AP3S2: variants seen among roughly 807,000 people sequenced by gnomAD.
The protein encoded by AP3S2 is AP-3 complex subunit sigma-2.
A neutral mutation model predicts 23.4 loss-of-function variants in AP3S2; 22 were observed. That is an observed-to-expected ratio of 0.94 (90% CI 0.67 to 1.34). AP3S2 has a LOEUF of 1.34. AP3S2 is among the 40% of genes most tolerant of loss of function. The pLI is 0.00. For missense variants in AP3S2, 241 were observed against 236.9 expected (o/e 1.02, Z -0.11); for synonymous variants, 86 against 87.1 (o/e 0.99, Z 0.07).
intron 4 of AP3S2, 106 bp downstream of exon 4, chr15:89,871,369 A>T (rs558258816): frequency 3.0e-6 from 3 of 983,834 alleles, no homozygotes; most frequent in East Asian, 2.8e-5. Context: ...TCTTAAGAGT[A>T]AAAAAAAACA....
At chr15:89,879,885 G>T (rs564252740) in intron 3 of AP3S2, among the ~76,000 whole-genome samples, 1 of 151,998 alleles carries the variant, frequency 6.6e-6, no homozygotes, top group South Asian at 2.1e-4. Flanking sequence ...CCGCACTCTG[G>T]GCGACAAGAG....
At chr15:89,838,192 G>C (rs1356326384) in intron 4 of AP3S2, 2 of 161,750 alleles carry the variant, frequency 1.2e-5, no homozygotes, top group African/African-American at 4.8e-5. Context: ...TCATTAAGTA[G>C]GTCCAGCTAT....
chr15:89,886,181 G>T (rs999533850), intron 3 of AP3S2, among the ~76,000 whole-genome samples: 12 of 151,652 alleles, frequency 7.9e-5, no homozygotes, highest in Admixed American at 7.9e-4. Context: ...AAACCCTGTC[G>T]CTACTAAAAC....
At chr15:89,890,319 G>A (rs1333782827) in intron 1 of AP3S2, among the ~76,000 whole-genome samples, 2 of 152,106 alleles carry the variant, frequency 1.3e-5, no homozygotes, top group African/African-American at 4.8e-5. Context: ...CAAAGTGCTG[G>A]GATTACAGGT....
At chr15:89,874,056 G>C (rs75541442) in intron 3 of AP3S2, among the ~76,000 whole-genome samples, 6 of 149,482 alleles carry the variant, frequency 4.0e-5, no homozygotes, top group Non-Finnish European at 7.4e-5. Context: ...AAAATACTTC[G>C]TATTTTTAGT....
At chr15:89,856,607 CAGG>C (rs1286019665) in intron 4 of AP3S2, among the ~76,000 whole-genome samples, 2 of 150,270 alleles carry the variant, frequency 1.3e-5, no homozygotes, top group African/African-American at 4.9e-5. Context: ...AAGGCTGAGG[CAGG>C]AGAATTGCTT....
At chr15:89,876,900 C>A in intron 3 of AP3S2, 1 of 188,286 alleles carries the variant, frequency 5.3e-6, no homozygotes, top group South Asian at 9.5e-5. Flanking sequence ...TATGGCAGCT[C>A]AAATGGGAGC....
Position 89,855,945 on chromosome 15 carries a change from T to TA in AP3S2, c.345+15529dup, listed in dbSNP as rs34784306. Reference sequence around the variant, plus strand: ...GTATGAATAAATATGATATGTCCTTTAAAAAAAAAAAAAAAAAAAAAAAGA... The same window carrying TA: ...GTATGAATAAATATGATATGTCCTTTAAAAAAAAAAAAAAAAAAAAAAAAGA... On this transcript the variant is annotated intron_variant, in intron 4 of 5. Transcript: ENST00000336418. Among the ~76,000 whole-genome samples, 184 of 111,914 alleles carry TA rather than the reference T, an allele frequency of 1.6e-3. 1 individual carries two copies. Among genetic ancestry groups the TA allele is most frequent in the African/African-American group, 3.8e-3 (112 of 29,102 alleles). 73.4% of individuals were successfully genotyped at this position (111,914 alleles called of 152,430 possible).
intron 4 of AP3S2, among the ~76,000 whole-genome samples, chr15:89,870,019 G>T (rs1357233672): frequency 6.6e-6 from 1 of 152,062 alleles, no homozygotes; most frequent in African/African-American, 2.4e-5. Context: ...GGGATTACAG[G>T]TGTGAGCCAC....
intron 4 of AP3S2, among the ~76,000 whole-genome samples, chr15:89,868,628 G>A (rs1403806139): frequency 7.0e-5 from 8 of 114,542 alleles, no homozygotes; most frequent in East Asian, 3.0e-4. Flanking sequence ...GCCTCTGCCC[G>A]GCCGCCCCTA....
chr15:89,838,226 A>C (rs1895242452), intron 4 of AP3S2: 1 of 156,426 alleles, frequency 6.4e-6, no homozygotes, highest in African/African-American at 2.4e-5. Flanking sequence ...CTGTCCAAGC[A>C]ACTGAAATGA....
Position 89,866,261 on chromosome 15 carries a change from C to CAAAA in AP3S2, c.345+5210_345+5213dup, listed in dbSNP as rs368571089. ...TGGGCAACAGAGCGAGACTCCGTCTCAAAAAAAAAAAAAAAAAAAAGTCAC... is the reference window on the plus strand; with the variant it reads ...TGGGCAACAGAGCGAGACTCCGTCTCAAAAAAAAAAAAAAAAAAAAAAAAGTCAC... On this transcript the variant is annotated intron_variant, in intron 4 of 5. Transcript: ENST00000336418. Among the ~76,000 whole-genome samples the CAAAA allele has an allele frequency of 1.2e-3, 104 of 87,402 alleles. 1 individual carries two copies. The highest frequency in any genetic ancestry group is 2.0e-3 in the African/African-American group (41 of 20,744). 57.3% of individuals were successfully genotyped at this position (87,402 alleles called of 152,430 possible). A position where few individuals can be genotyped will look rare whatever the true frequency, so the allele number is the denominator to read the frequency against.
intron 3 of AP3S2, 132 bp downstream of exon 3, chr15:89,888,389 C>T: frequency 1.3e-6 from 1 of 756,524 alleles, no homozygotes; most frequent in Non-Finnish European, 2.1e-6. Context: ...TCCCAGAGCA[C>T]CATCTGGTGG....
At chr15:89,855,105 GATTGAGAAA>G (rs1386548337) in intron 4 of AP3S2, among the ~76,000 whole-genome samples, 1 of 139,466 alleles carries the variant, frequency 7.2e-6, no homozygotes, top group Non-Finnish European at 1.5e-5. Context: ...GTGGGGAAAA[GATTGAGAAA>G]TCGGATGGTT....
chr15:89,887,038 C>T (rs1896716875), intron 3 of AP3S2, among the ~76,000 whole-genome samples: 1 of 152,158 alleles, frequency 6.6e-6, no homozygotes. Context: ...TCAAGTGATC[C>T]ACCCACCTTG....
chr15:89,869,031 G>C (rs937700940), intron 4 of AP3S2, among the ~76,000 whole-genome samples: 6 of 151,338 alleles, frequency 4.0e-5, no homozygotes, highest in Non-Finnish European at 8.8e-5. Context: ...TGGGAAGTGA[G>C]GAGCCCCTCT....
intron 4 of AP3S2, among the ~76,000 whole-genome samples, chr15:89,856,110 C>T (rs1013832622): frequency 6.6e-6 from 1 of 152,108 alleles, no homozygotes; most frequent in Non-Finnish European, 1.5e-5. Context: ...TGCAGAATCC[C>T]ACTTGAGGAA....
At chr15:89,849,387 G>A (rs1055009326) in intron 4 of AP3S2, among the ~76,000 whole-genome samples, 3 of 151,266 alleles carry the variant, frequency 2.0e-5, no homozygotes, top group Non-Finnish European at 4.4e-5. Flanking sequence ...TTTTTCTTTA[G>A]ATGGAGTCTC....
intron 4 of AP3S2, chr15:89,848,809 G>A (rs1033415335): frequency 6.6e-6 from 1 of 152,176 alleles, no homozygotes; most frequent in Non-Finnish European, 1.5e-5. Context: ...ACTCAGCACT[G>A]ACGGGAAGAG....
Sources: allele counts gnomAD v4.1 joint callset (sites outside exome capture counted in the v4.1 genomes callset), GRCh38; gene constraint gnomAD v4.1.1; transcripts MANE v1.5; gene names NCBI Gene and HGNC (gene_info 2026-07-23, HGNC 2026-07-21).